ABCC5: variants seen among roughly 807,000 people sequenced by gnomAD.
ABCC5 encodes ATP binding cassette subfamily C member 5, also known as ATP-binding cassette sub-family C member 5.
ABCC5 carries 61 observed loss-of-function variants against 160.9 expected under a neutral mutation model. That is an observed-to-expected ratio of 0.38 (90% CI 0.31 to 0.47). The LOEUF (loss-of-function observed/expected upper bound fraction) is 0.47. Among genes scored for constraint, ABCC5 ranks in the 20% least tolerant of loss-of-function variants. ABCC5 has a pLI of 0.99. For synonymous variants in ABCC5, 666 were observed against 700.6 expected (o/e 0.95, Z 0.78); for missense variants, 1,308 against 1,813.3 (o/e 0.72, Z 5.06).
At chr3:183,994,068 A>G (rs574254314) in intron 2 of ABCC5, among the ~76,000 whole-genome samples, 13 of 151,516 alleles carry the variant, frequency 8.6e-5, no homozygotes, top group Non-Finnish European at 1.8e-4. Context: ...GGTTCCAGCA[A>G]TTCACTTGCC....
At chr3:183,948,870 T>C (rs1325324621) in intron 22 of ABCC5, among the ~76,000 whole-genome samples, 1 of 151,920 alleles carries the variant, frequency 6.6e-6, no homozygotes, top group Admixed American at 6.6e-5. Flanking sequence ...CCTGGTTAAT[T>C]TTTTTGTAAT....
chr3:183,951,416 TA>T lies in ABCC5; in HGVS notation c.2944+24del. ...GGAAGCACAGTGAGCTCCAGAGTATTAAAAAAAGGCTCAGTGAGAAATACCT... is the reference window on the plus strand; with the variant it reads ...GGAAGCACAGTGAGCTCCAGAGTATTAAAAAAGGCTCAGTGAGAAATACCT... On this transcript the variant is annotated intron_variant, in intron 20 of 29. Coordinates refer to ENST00000334444, the MANE Select transcript of ABCC5 (RefSeq NM_005688.4). This position sits in a 1 kb window ranked among gnomAD's most constrained non-coding sequence, Gnocchi z 4.7. 5 of 1,612,472 alleles carry T rather than the reference TA, an allele frequency of 3.1e-6. No individual in the cohort carries two copies. The highest frequency in any genetic ancestry group is 1.1e-5 in the South Asian group (1 of 90,836).
rs543303576 is a variant in ABCC5, at chr3:183,958,716, G to A, written c.2482+1017C>T. ...AGGCTGGAGCGCAGTGGCTCACCTC[G>A]GCCTCCCAAGTAGCTGGGACTACAG... On this transcript the variant is annotated intron_variant, in intron 17 of 29. Transcript: ENST00000334444. 1.7e-4 allele frequency among the ~76,000 whole-genome samples: 26 copies of A among 151,252 alleles called. No individual in the cohort carries two copies. In the East Asian group the frequency reaches 3.1e-3, roughly 18 times the overall value.
intron 5 of ABCC5, chr3:183,984,341 G>A: frequency 1.0e-6 from 1 of 985,736 alleles, no homozygotes; most frequent in Non-Finnish European, 1.2e-6. Context: ...CCACCCTAAA[G>A]GAAGAAAAAA....
At chr3:183,979,708 G>A (rs896657719) in intron 8 of ABCC5, among the ~76,000 whole-genome samples, 1 of 151,964 alleles carries the variant, frequency 6.6e-6, no homozygotes, top group African/African-American at 2.4e-5. Flanking sequence ...AGCCTCCCAA[G>A]TAGCTGGGAC....
intron 10 of ABCC5, among the ~76,000 whole-genome samples, chr3:183,974,955 A>C (rs917167640): frequency 2.0e-5 from 3 of 152,244 alleles, no homozygotes; most frequent in Non-Finnish European, 4.4e-5. Context: ...AGAAAGAAAG[A>C]AAATGATGTA....
At chr3:184,009,814 T>A (rs1721551601) in intron 2 of ABCC5, 1 of 240,790 alleles carries the variant, frequency 4.2e-6, no homozygotes. Flanking sequence ...GTTCAGAGAT[T>A]ACAAGGATAC....
chr3:183,977,792 G>A (rs998505070), intron 9 of ABCC5, among the ~76,000 whole-genome samples, 168 bp from the exon 10 acceptor site: 8 of 151,298 alleles, frequency 5.3e-5, no homozygotes, highest in East Asian at 1.9e-4. Context: ...TCGCTCTGTC[G>A]CCCAGGCTGG....
At chr3:183,978,153 T>C (rs550912108) in intron 9 of ABCC5, among the ~76,000 whole-genome samples, 7 of 152,322 alleles carry the variant, frequency 4.6e-5, no homozygotes, top group Admixed American at 1.3e-4. Flanking sequence ...CTCAAACTTA[T>C]GTTGACTAAA....
intron 29 of ABCC5, 137 bp downstream of exon 29, chr3:183,925,418 A>G (rs940183865): frequency 2.5e-6 from 2 of 810,354 alleles, no homozygotes; most frequent in Non-Finnish European, 3.8e-6. Context: ...TATCCCTCCC[A>G]ATAGCAAGTA....
At chr3:183,957,298 G>T (rs796417191) in intron 17 of ABCC5, among the ~76,000 whole-genome samples, 3 of 85,132 alleles carry the variant, frequency 3.5e-5, no homozygotes, top group African/African-American at 8.0e-5. Flanking sequence ...AGTTACATGC[G>T]GATCCGTGTG....
chr3:183,950,596 G>A (rs531401084), intron 20 of ABCC5, among the ~76,000 whole-genome samples: 72 of 152,106 alleles, frequency 4.7e-4, no homozygotes, highest in Admixed American at 3.1e-3. Context: ...CCACCCCACC[G>A]CCTTTTTTCT....
At chr3:183,950,374 C>CT (rs1438600744) in intron 20 of ABCC5, among the ~76,000 whole-genome samples, 1 of 152,002 alleles carries the variant, frequency 6.6e-6, no homozygotes, top group African/African-American at 2.4e-5. Context: ...CATTTTCCCC[C>CT]TTTACAAAGT....
chr3:183,941,895 A>C (rs780337399), intron 25 of ABCC5, among the ~76,000 whole-genome samples: 4 of 151,514 alleles, frequency 2.6e-5, no homozygotes, highest in Non-Finnish European at 5.9e-5. Flanking sequence ...AATCGCTTGA[A>C]CCTGGGAGGT....
chr3:183,977,995 C>T (rs545870721), intron 9 of ABCC5, among the ~76,000 whole-genome samples: 3 of 152,238 alleles, frequency 2.0e-5, no homozygotes, highest in East Asian at 1.9e-4. Flanking sequence ...TCAAGTGATC[C>T]GCCCGCCTCG....
At chr3:183,928,672 C>T (rs763548414) in intron 27 of ABCC5, 75 bp downstream of exon 27, 11 of 1,350,688 alleles carry the variant, frequency 8.1e-6, no homozygotes, top group African/African-American at 2.9e-5. Flanking sequence ...CCAGAGCAGA[C>T]GGGGTGTGGC....
intron 2 of ABCC5, among the ~76,000 whole-genome samples, chr3:183,998,780 T>C (rs1720491965): frequency 1.3e-5 from 2 of 152,042 alleles, no homozygotes; most frequent in African/African-American, 2.4e-5. Context: ...CCAGGGTGAA[T>C]ACCAGATTAA....
intron 17 of ABCC5, among the ~76,000 whole-genome samples, chr3:183,954,370 A>C (rs1489727111): frequency 2.0e-5 from 3 of 152,152 alleles, no homozygotes; most frequent in African/African-American, 4.8e-5. Context: ...GCTGGTCTCG[A>C]ACTCCTGACC....
chr3:183,981,036 A>G (rs1346318188), intron 8 of ABCC5, among the ~76,000 whole-genome samples: 1 of 152,104 alleles, frequency 6.6e-6, no homozygotes, highest in Non-Finnish European at 1.5e-5. Flanking sequence ...TTCTACTCCA[A>G]CTATAATGCA....
Sources: gnomAD v4.1 joint callset for allele counts (sites outside exome capture counted in the v4.1 genomes callset) on GRCh38, gnomAD v4.1.1 for gene constraint, Gnocchi (gnomAD v3.1) non-coding constraint, MANE v1.5 for transcripts, NCBI Gene and HGNC (gene_info 2026-07-23, HGNC 2026-07-21) for gene names.